FAM47E: variants seen among roughly 807,000 people sequenced by gnomAD.
The protein encoded by FAM47E is family with sequence similarity 47 member E.
A neutral mutation model predicts 41.6 loss-of-function variants in FAM47E; 32 were observed. That is an observed-to-expected ratio of 0.77 (90% CI 0.58 to 1.03). FAM47E has a LOEUF of 1.03. FAM47E is among the 50% of genes least tolerant of loss of function. The pLI, the probability that FAM47E is intolerant of heterozygous loss-of-function variation, is 0.00. For missense variants in FAM47E, 424 were observed against 485.4 expected (o/e 0.87, Z 1.19); for synonymous variants, 184 against 188.7 (o/e 0.98, Z 0.20).
intron 5 of FAM47E, among the ~76,000 whole-genome samples, chr4:76,277,755 T>A (rs145700417): frequency 1.8e-3 from 273 of 152,306 alleles, no homozygotes; most frequent in Non-Finnish European, 3.4e-3. Context: ...ACTATTGTTA[T>A]CTCCATTTTA....
intron 4 of FAM47E, chr4:76,269,582 C>T (rs1734796649): frequency 6.6e-6 from 1 of 151,796 alleles, no homozygotes; most frequent in Non-Finnish European, 1.5e-5. Context: ...CGCCACTGTA[C>T]TCCAGCCTGG....
intron 5 of FAM47E, among the ~76,000 whole-genome samples, chr4:76,276,360 T>TTCTG (rs1553957210): frequency 1.4e-4 from 8 of 57,796 alleles, no homozygotes; most frequent in African/African-American, 4.9e-4. Flanking sequence ...GGTTACTTTT[T>TTCTG]TTTGTTTGTT....
intron 1 of FAM47E, among the ~76,000 whole-genome samples, chr4:76,217,327 G>A (rs1357120384): frequency 6.6e-6 from 1 of 152,200 alleles, no homozygotes; most frequent in East Asian, 1.9e-4. Context: ...TGACTTCTCT[G>A]CTATGGTTTG....
intron 2 of FAM47E, among the ~76,000 whole-genome samples, chr4:76,219,761 T>C (rs541428160): frequency 1.3e-5 from 2 of 152,108 alleles, no homozygotes; most frequent in East Asian, 3.9e-4. Context: ...GATATTAGAC[T>C]ATGGAAAGGG....
At chr4:76,224,668 T>G (rs1733364444) in intron 2 of FAM47E, among the ~76,000 whole-genome samples, 1 of 152,168 alleles carries the variant, frequency 6.6e-6, no homozygotes, top group Non-Finnish European at 1.5e-5. Flanking sequence ...ACTCAAGCAA[T>G]TCTCCCAGGT....
At chr4:76,278,305 C>A in intron 6 of FAM47E, 81 bp downstream of exon 6, 1 of 1,362,796 alleles carries the variant, frequency 7.3e-7, no homozygotes, top group East Asian at 2.8e-5. Flanking sequence ...GAACCAGACT[C>A]TGCGGCGTAA....
chr4:76,260,981 C>G (rs1468729618), intron 2 of FAM47E, among the ~76,000 whole-genome samples: 1 of 148,784 alleles, frequency 6.7e-6, no homozygotes, highest in African/African-American at 2.5e-5. Flanking sequence ...GAGACCCTGT[C>G]TCAAAAAAAA....
intron 2 of FAM47E, among the ~76,000 whole-genome samples, chr4:76,262,365 ATC>A (rs1326444800): frequency 6.6e-6 from 1 of 152,146 alleles, no homozygotes; most frequent in Non-Finnish European, 1.5e-5. Flanking sequence ...CCCATAATCT[ATC>A]TCTCTTATAC....
upstream of FAM47E, among the ~76,000 whole-genome samples, chr4:76,250,845 T>C (rs1948729392): frequency 6.6e-6 from 1 of 152,196 alleles, no homozygotes; most frequent in South Asian, 2.1e-4. Context: ...GCTGGAATAA[T>C]AGTACTTGCA....
chr4:76,214,295 C>A, exon 1 of FAM47E: 2 of 456,122 alleles, frequency 4.4e-6, no homozygotes, highest in South Asian at 3.1e-5. Context: ...GCATGTTCTG[C>A]CTGGATGACC....
intron 5 of FAM47E, among the ~76,000 whole-genome samples, chr4:76,275,394 T>A (rs555389972): frequency 1.3e-5 from 2 of 152,312 alleles, no homozygotes; most frequent in Admixed American, 1.3e-4. Flanking sequence ...CTCACAGCAA[T>A]CTGTGCCTCT....
chr4:76,276,673 G>A (rs1735132276), intron 5 of FAM47E, among the ~76,000 whole-genome samples: 1 of 152,166 alleles, frequency 6.6e-6, no homozygotes, highest in South Asian at 2.1e-4. Flanking sequence ...GGATGGCCAG[G>A]GAAGATGCCA....
At chr4:76,215,000 G>A (rs1009107149) in intron 1 of FAM47E, among the ~76,000 whole-genome samples, 2 of 152,212 alleles carry the variant, frequency 1.3e-5, no homozygotes, top group African/African-American at 4.8e-5. Flanking sequence ...ATTGGGGTGG[G>A]GAATCCTTTA....
intron 3 of FAM47E, among the ~76,000 whole-genome samples, chr4:76,264,335 T>A (rs1402955871): frequency 3.3e-5 from 5 of 152,088 alleles, no homozygotes; most frequent in African/African-American, 9.6e-5. Flanking sequence ...CAGCTGGGAC[T>A]TCAGGTATGT....
At chr4:76,277,412 CG>C in intron 5 of FAM47E, among the ~76,000 whole-genome samples, 2 of 151,350 alleles carry the variant, frequency 1.3e-5, no homozygotes, top group Non-Finnish European at 2.9e-5. Context: ...TGTGAACCTG[CG>C]AGGCGGAGCT....
At chr4:76,233,866 G>T (rs1733536074) in intron 2 of FAM47E, among the ~76,000 whole-genome samples, 1 of 152,214 alleles carries the variant, frequency 6.6e-6, no homozygotes, top group South Asian at 2.1e-4. Flanking sequence ...TTGGTTGGGG[G>T]GGGCTTGGTT....
At chr4:76,258,158 G>C (rs190436736) in intron 2 of FAM47E, among the ~76,000 whole-genome samples, 2 of 152,264 alleles carry the variant, frequency 1.3e-5, no homozygotes, top group Admixed American at 1.3e-4. Flanking sequence ...AGGTGTGTTG[G>C]CTTCCTGCTG....
chr4:76,247,808 G>T (rs562721823), upstream of FAM47E, among the ~76,000 whole-genome samples: 3 of 150,956 alleles, frequency 2.0e-5, no homozygotes, highest in South Asian at 2.1e-4. Flanking sequence ...TCTTTTTGTC[G>T]TTGAGTGGTG....
chr4:76,264,012 T>G (rs1734526440), intron 3 of FAM47E, among the ~76,000 whole-genome samples, 169 bp downstream of exon 3: 1 of 152,170 alleles, frequency 6.6e-6, no homozygotes, highest in African/African-American at 2.4e-5. Context: ...TAGTGCTTAT[T>G]TCTTCAAGGG....
Sources: allele counts gnomAD v4.1 joint callset (sites outside exome capture counted in the v4.1 genomes callset), GRCh38; gene constraint gnomAD v4.1.1; transcripts MANE v1.5; gene names NCBI Gene and HGNC (gene_info 2026-07-23, HGNC 2026-07-21).